Variants in ARHGEF28 observed in about 807,000 individuals in gnomAD.
ARHGEF28 encodes Rho guanine nucleotide exchange factor 28.
ARHGEF28 carries 152 observed loss-of-function variants against 206.6 expected under a neutral mutation model. That is an observed-to-expected ratio of 0.74 (90% confidence interval 0.64 to 0.84). ARHGEF28 has a LOEUF of 0.84. Among genes scored for constraint, ARHGEF28 ranks in the 40% least tolerant of loss-of-function variants. The pLI, the probability that ARHGEF28 is intolerant of heterozygous loss-of-function variation, is 0.00. For synonymous variants in ARHGEF28, 763 were observed against 776.4 expected (o/e 0.98, Z 0.29); for missense variants, 2,028 against 2,073.2 (o/e 0.98, Z 0.42).
chr5:73,720,115 T>A (rs970759023), intron 2 of ARHGEF28, among the ~76,000 whole-genome samples: 9 of 152,228 alleles, frequency 5.9e-5, no homozygotes, highest in Non-Finnish European at 1.2e-4. Flanking sequence ...TTAAGGTGCT[T>A]TGAGTATGGC....
chr5:73,872,944 G>T, intron 21 of ARHGEF28, 55 bp from the exon 22 acceptor site: 1 of 1,585,964 alleles, frequency 6.3e-7, no homozygotes, highest in Non-Finnish European at 8.6e-7. Flanking sequence ...TAGTTTAATA[G>T]CGAAACTTGC....
Position 73,793,226 on chromosome 5 carries a change from AAC to A in ARHGEF28, c.911-1172_911-1171del, listed in dbSNP as rs1288699333. On this transcript the variant is annotated intron_variant, in intron 7 of 35. Transcript: ENST00000513042. ...AGTTATTGTTGTCCAGATTTTTAGAAACACAAGACAAGGATTGTTGGTTTCTC... is the reference window on the plus strand; with the variant it reads ...AGTTATTGTTGTCCAGATTTTTAGAAACAAGACAAGGATTGTTGGTTTCTC... Among the ~76,000 whole-genome samples, 9 of 152,236 alleles carry A rather than the reference AAC, an allele frequency of 5.9e-5. No homozygotes were observed. The South Asian group carries it at 8.3e-4, about 14-fold the overall frequency.
intron 35 of ARHGEF28, among the ~76,000 whole-genome samples, chr5:73,915,111 A>C (rs141683012): frequency 6.6e-6 from 1 of 152,070 alleles, no homozygotes; most frequent in Non-Finnish European, 1.5e-5. Context: ...GCCTAGTGGG[A>C]TGTTCATGAT....
chr5:73,631,245 T>A (rs149655901), intron 1 of ARHGEF28, among the ~76,000 whole-genome samples: 1 of 152,328 alleles, frequency 6.6e-6, no homozygotes, highest in East Asian at 1.9e-4. Context: ...TTGGGCTGGA[T>A]GGTTCAGACA....
In ARHGEF28 at chr5:73,749,956, G is replaced by A. The variant is rs79388557; in HGVS notation, c.153G>A (p.Glu51=). Residue 51 remains glutamate, a synonymous_variant, in exon 3 of 36, where the codon GAG becomes GAA. Coordinates refer to ENST00000513042, the MANE Select transcript of ARHGEF28 (RefSeq NM_001177693.2). The part of the protein sequence containing the change: ...QRHVMIAERI[E]DNVLQSSVPG... The stretch of plus-strand genomic sequence containing the variant: ...ATGTCATGATTGCAGAGCGCATCGA[G>A]GATAACGTTCTCCAGTCCAGCGTCC... The A allele has an allele frequency of 3.8e-4, 614 of 1,613,936 alleles. 2 individuals carry two copies. The highest frequency in any genetic ancestry group is 4.7e-4 in the Non-Finnish European group (552 of 1,179,868).
chr5:73,696,083 T>C (rs754308519), intron 2 of ARHGEF28, among the ~76,000 whole-genome samples: 1 of 152,190 alleles, frequency 6.6e-6, no homozygotes, highest in South Asian at 2.1e-4. Flanking sequence ...TTCATTACAT[T>C]GCAATACCTA....
chr5:73,663,328 ATTTAATAT>A (rs1745735081), intron 1 of ARHGEF28, among the ~76,000 whole-genome samples: 1 of 152,184 alleles, frequency 6.6e-6, no homozygotes, highest in Non-Finnish European at 1.5e-5. Flanking sequence ...GTTACAGGAC[ATTTAATAT>A]CTGTGGGCAC....
At chr5:73,756,352 TA>T (rs1184013357) in intron 4 of ARHGEF28, among the ~76,000 whole-genome samples, 3 of 152,244 alleles carry the variant, frequency 2.0e-5, no homozygotes, top group Non-Finnish European at 4.4e-5. Context: ...GAAGGCAAAG[TA>T]TAAAATCCTG....
chr5:73,649,087 A>G (rs1225352969), intron 1 of ARHGEF28, among the ~76,000 whole-genome samples: 1 of 152,238 alleles, frequency 6.6e-6, no homozygotes. Context: ...TGAAATAGGC[A>G]TTATTATGTA....
In ARHGEF28 at chr5:73,689,896, G is replaced by A. The variant is rs565349064; in HGVS notation, c.33+5012G>A. ...TTAAGCTGGAAAGAATTGTGGTGGT[G>A]AAGCTAATGAGAAGTGCAAAAGCCT... On this transcript the variant is annotated intron_variant, in intron 2 of 35. Coordinates refer to ENST00000513042, the MANE Select transcript of ARHGEF28 (RefSeq NM_001177693.2). 1.3e-4 allele frequency among the ~76,000 whole-genome samples: 20 copies of A among 152,270 alleles called. 1 individual carries two copies. The highest frequency in any genetic ancestry group is 4.6e-4 in the African/African-American group (19 of 41,566).
chr5:73,726,827 C>T (rs539773840), intron 2 of ARHGEF28, among the ~76,000 whole-genome samples: 1 of 152,258 alleles, frequency 6.6e-6, no homozygotes, highest in Admixed American at 6.5e-5. Context: ...CTGTAGTTTC[C>T]CTTCAGTGTT....
chr5:73,855,058 C>T (rs975129837), intron 14 of ARHGEF28, among the ~76,000 whole-genome samples: 2 of 152,006 alleles, frequency 1.3e-5, no homozygotes, highest in Admixed American at 6.6e-5. Flanking sequence ...AGAGATTAGA[C>T]GTTCTTGTTC....
chr5:73,694,782 GT>G lies in ARHGEF28; in HGVS notation c.33+9901del, dbSNP rs147196502. ...AAACGGATCTTATGAAGGTCACTAA[GT>G]TTGCTCTTGCTTAATCTAAGGTGTT... On this transcript the variant is annotated intron_variant, in intron 2 of 35. Coordinates refer to ENST00000513042, the MANE Select transcript of ARHGEF28 (RefSeq NM_001177693.2). Among the ~76,000 whole-genome samples the G allele has an allele frequency of 2.8e-3, 430 of 152,330 alleles. 2 individuals are homozygous for G. The highest frequency in any genetic ancestry group is 9.9e-3 in the African/African-American group (410 of 41,572).
chr5:73,727,106 T>G (rs961240886), intron 2 of ARHGEF28, among the ~76,000 whole-genome samples: 1 of 152,224 alleles, frequency 6.6e-6, no homozygotes, highest in Non-Finnish European at 1.5e-5. Context: ...GTCAGTTTTC[T>G]TCCTGTCATG....
chr5:73,813,683 A>G (rs1268975216), intron 9 of ARHGEF28: 8 of 1,534,990 alleles, frequency 5.2e-6, no homozygotes, highest in Non-Finnish European at 7.0e-6. Flanking sequence ...GGTAGATTGC[A>G]GTATCTTTTC....
At chr5:73,677,353 G>A (rs947524011) in intron 1 of ARHGEF28, among the ~76,000 whole-genome samples, 7 of 152,206 alleles carry the variant, frequency 4.6e-5, no homozygotes, top group East Asian at 3.9e-4. Flanking sequence ...TGATAATTGC[G>A]GAATATTGAG....
At chr5:73,900,606 G>A (rs2112705379) in intron 30 of ARHGEF28, 1 of 152,326 alleles carries the variant, frequency 6.6e-6, no homozygotes, top group Admixed American at 6.5e-5. Context: ...TAAAAAATAA[G>A]TTATTCAGAG....
rs553083214 is a variant in ARHGEF28, at chr5:73,648,974, A to G, written c.-12+22652A>G. The stretch of plus-strand genomic sequence containing the variant: ...CTTTCAGGAAAATAAGATTTATAGC[A>G]GTCACTGCCATCACCATGATAATGG... On this transcript the variant is annotated intron_variant, in intron 1 of 35. Coordinates refer to ENST00000513042, the MANE Select transcript of ARHGEF28 (RefSeq NM_001177693.2). Among the ~76,000 whole-genome samples the G allele has an allele frequency of 2.4e-3, 372 of 152,322 alleles. 3 individuals carry two copies. The highest frequency in any genetic ancestry group is 4.1e-3 in the Non-Finnish European group (280 of 68,034).
intron 28 of ARHGEF28, among the ~76,000 whole-genome samples, chr5:73,893,765 G>A (rs778879352): frequency 1.3e-5 from 2 of 152,170 alleles, no homozygotes; most frequent in Non-Finnish European, 2.9e-5. Context: ...ACCCTCCACC[G>A]ATTGAATCCG....
Sources: allele counts gnomAD v4.1 joint callset (sites outside exome capture counted in the v4.1 genomes callset), GRCh38; gene constraint gnomAD v4.1.1; transcripts MANE v1.5; gene names NCBI Gene and HGNC (gene_info 2026-07-23, HGNC 2026-07-21).